CLUL1: variants seen among roughly 807,000 people sequenced by gnomAD.
CLUL1 encodes clusterin like 1.
In CLUL1, 43 loss-of-function variants were observed where a neutral mutation model predicts 49.4. The observed-to-expected ratio is 0.87, with a 90% CI of 0.68 to 1.12. The LOEUF is 1.12. Ranked by LOEUF, CLUL1 falls within the 50% of genes most tolerant of loss-of-function variation. CLUL1 has a pLI of 0.00. For synonymous variants in CLUL1, 192 were observed against 184.9 expected (o/e 1.04, Z -0.31); for missense variants, 486 against 544.4 (o/e 0.89, Z 1.07).
chr18:635,362 A>C (rs1203332929), intron 7 of CLUL1, among the ~76,000 whole-genome samples: 1 of 152,088 alleles, frequency 6.6e-6, no homozygotes, highest in East Asian at 1.9e-4. Flanking sequence ...GCCTCCGCTG[A>C]TCTGACAGCA....
rs573829344 is a variant in CLUL1, at chr18:618,680, G to A, written c.107-533G>A. On this transcript the variant is annotated intron_variant, in intron 3 of 9. Transcript: ENST00000692774. This position sits in a 1 kb window ranked among gnomAD's most constrained non-coding sequence, Gnocchi z 4.2. The stretch of plus-strand genomic sequence containing the variant: ...GGCCACGTTGGCTATTTTGAACAGG[G>A]AATGACAATGAATTTTAAACTTACT... 1.6e-4 allele frequency among the ~76,000 whole-genome samples: 24 copies of A among 152,254 alleles called. 1 individual carries two copies. The East Asian group carries it at 4.6e-3, about 29-fold the overall frequency.
At chr18:633,483 A>G in intron 7 of CLUL1, 48 bp downstream of exon 7, 3 of 1,527,680 alleles carry the variant, frequency 2.0e-6, no homozygotes, top group South Asian at 1.2e-5. Flanking sequence ...GTTCTCAGGT[A>G]CATTTTGTTA....
chr18:617,945 C>T, intron 2 of CLUL1, 43 bp from the exon 3 acceptor site: 1 of 1,525,444 alleles, frequency 6.6e-7, no homozygotes, highest in Non-Finnish European at 9.0e-7. Flanking sequence ...CAGAAACTAA[C>T]CAAATGGAAG....
Position 618,202 on chromosome 18 carries a change from G to A in CLUL1, c.106+96G>A, listed in dbSNP as rs1726127529. On this transcript the variant is annotated intron_variant, in intron 3 of 9. Transcript: ENST00000692774. This position sits in a 1 kb window ranked among gnomAD's most constrained non-coding sequence, Gnocchi z 4.2. ...TCGCAGTTGAGAGATAACCATATTC[G>A]CTGTTTTCACGGTGAAACGTTCTCA... 2 of 893,698 alleles carry A rather than the reference G, an allele frequency of 2.2e-6. No individual in the cohort carries two copies. Among genetic ancestry groups the A allele is most frequent in the South Asian group, 1.5e-5 (1 of 67,152 alleles). 55.4% of individuals were successfully genotyped at this position (893,698 alleles called of 1,614,324 possible). A position where few individuals can be genotyped will look rare whatever the true frequency, so the allele number is the denominator to read the frequency against.
chr18:634,222 C>T (rs758663562), intron 7 of CLUL1, among the ~76,000 whole-genome samples: 6 of 152,240 alleles, frequency 3.9e-5, no homozygotes, highest in South Asian at 2.1e-4. Context: ...CTCCACCTCT[C>T]GGGTTCAAGC....
chr18:641,675 T>C, intron 8 of CLUL1, 134 bp downstream of exon 8: 1 of 731,496 alleles, frequency 1.4e-6, no homozygotes, highest in Non-Finnish European at 2.3e-6. Context: ...TGTGATTGCC[T>C]TCAGGCTGAC....
In CLUL1 at chr18:649,851, A is replaced by G. The variant is rs184420335; in HGVS notation, c.1398-47A>G. 8.2e-3 allele frequency: 9,628 copies of G among 1,178,102 alleles called. 62 individuals carry two copies. Among genetic ancestry groups the G allele is most frequent in the Non-Finnish European group, 0.011 (8,679 of 802,370 alleles). The allele number at this position is 1,178,102 out of a possible 1,614,324, so 73.0% of individuals were successfully genotyped here. ...GAAAAAATACACTGAGTCTGTGAGTAATTTATTAGTATTTTGATCATTGCT... is the reference window on the plus strand; with the variant it reads ...GAAAAAATACACTGAGTCTGTGAGTGATTTATTAGTATTTTGATCATTGCT... On this transcript the variant is annotated intron_variant, in intron 9 of 9. Transcript: ENST00000692774.
chr18:623,559 C>A (rs2073571774), intron 4 of CLUL1, among the ~76,000 whole-genome samples: 1 of 145,292 alleles, frequency 6.9e-6, no homozygotes, highest in Admixed American at 7.3e-5. Context: ...GCAGGAGAAT[C>A]TCTTAAACCT....
Position 606,873 on chromosome 18 carries a change from C to A in CLUL1, c.-135-105C>A. 1 of 523,786 alleles carries A rather than the reference C, an allele frequency of 1.9e-6. No individual in the cohort carries two copies. Among genetic ancestry groups the A allele is most frequent in the Non-Finnish European group, 3.4e-6 (1 of 294,936 alleles). 32.4% of individuals were successfully genotyped at this position (523,786 alleles called of 1,614,324 possible). A position where few individuals can be genotyped will look rare whatever the true frequency, so the allele number is the denominator to read the frequency against. On this transcript the variant is annotated intron_variant, in intron 1 of 9. Coordinates refer to ENST00000692774, the MANE Select transcript of CLUL1 (RefSeq NM_001393344.1). The surrounding 1 kb of genome is among the most constrained non-coding windows in gnomAD (Gnocchi z 4.1). ...ACCAGCACCCCCCACAAGGCAAGGCCAGTTCACCCTCAGTGCTCACTACTT... is the reference window on the plus strand; with the variant it reads ...ACCAGCACCCCCCACAAGGCAAGGCAAGTTCACCCTCAGTGCTCACTACTT...
At chr18:637,871 G>C (rs1490425800) in intron 7 of CLUL1, among the ~76,000 whole-genome samples, 1 of 152,088 alleles carries the variant, frequency 6.6e-6, no homozygotes, top group Non-Finnish European at 1.5e-5. Flanking sequence ...CTACTCAGGA[G>C]GCTGAGGCAA....
intron 9 of CLUL1, among the ~76,000 whole-genome samples, chr18:646,819 G>A (rs1306847403): frequency 2.0e-5 from 3 of 150,146 alleles, no homozygotes; most frequent in South Asian, 2.1e-4. Flanking sequence ...GCACGATCTC[G>A]GCTCACTGCA....
At chr18:619,874 T>C (rs1373553051) in intron 4 of CLUL1, among the ~76,000 whole-genome samples, 1 of 152,026 alleles carries the variant, frequency 6.6e-6, no homozygotes, top group East Asian at 1.9e-4. Context: ...CACGCCTGGC[T>C]AATTTTTGTA....
Position 618,167 on chromosome 18 carries a change from T to G in CLUL1, c.106+61T>G. On this transcript the variant is annotated intron_variant, in intron 3 of 9. Coordinates refer to ENST00000692774, the MANE Select transcript of CLUL1 (RefSeq NM_001393344.1). This position sits in a 1 kb window ranked among gnomAD's most constrained non-coding sequence, Gnocchi z 4.2. ...TGCATGTTGGTTGTCCTGCTGGCGT[T>G]TATAGTGAGTCGCAGTTGAGAGATA... The G allele has an allele frequency of 3.2e-6, 4 of 1,237,890 alleles. No individual in the cohort carries two copies. Among genetic ancestry groups the G allele is most frequent in the Non-Finnish European group, 4.8e-6 (4 of 842,060 alleles). 76.7% of individuals were successfully genotyped at this position (1,237,890 alleles called of 1,614,324 possible).
rs191800657 is a variant in CLUL1 at position 645,240 on chromosome 18, T to C, written c.1397+143T>C. On this transcript the variant is annotated intron_variant, in intron 9 of 9. Transcript: ENST00000692774. ...CATGAAAACAAACAAGATGGCATTT[T>C]CTGCCTATCAGATTTGCAAATTAAA... 5.1e-4 allele frequency: 286 copies of C among 563,232 alleles called. 3 individuals carry two copies. Among genetic ancestry groups the C allele is most frequent in the African/African-American group, 5.0e-3 (260 of 51,620 alleles). The allele number at this position is 563,232 out of a possible 1,614,324, so 34.9% of individuals were successfully genotyped here.
At chr18:602,753 C>T (rs572764912) in intron 1 of CLUL1, among the ~76,000 whole-genome samples, 1 of 152,256 alleles carries the variant, frequency 6.6e-6, no homozygotes, top group South Asian at 2.1e-4. Flanking sequence ...TAAGTAAATG[C>T]ATCTTGAGCT....
At chr18:624,810 A>C in intron 4 of CLUL1, 55 bp from the exon 5 acceptor site, 1 of 1,530,304 alleles carries the variant, frequency 6.5e-7, no homozygotes, top group Non-Finnish European at 9.0e-7. Context: ...AAATCAACTA[A>C]GGTGCACATA....
chr18:625,122 G>C, intron 5 of CLUL1, 90 bp downstream of exon 5: 1 of 1,301,466 alleles, frequency 7.7e-7, no homozygotes, highest in African/African-American at 1.5e-5. Flanking sequence ...TATTTAGAAC[G>C]GAGATGCCTG....
intron 9 of CLUL1, among the ~76,000 whole-genome samples, chr18:645,611 C>A (rs937600680): frequency 6.6e-6 from 1 of 150,508 alleles, no homozygotes; most frequent in African/African-American, 2.4e-5. Context: ...CTGGATAACA[C>A]GGAGAAACTG....
intron 9 of CLUL1, among the ~76,000 whole-genome samples, chr18:648,757 A>C (rs2074590100): frequency 6.6e-6 from 1 of 152,118 alleles, no homozygotes; most frequent in African/African-American, 2.4e-5. Context: ...CCCAGGTTCA[A>C]GCGACTCTCA....
Sources: gnomAD v4.1 joint callset for allele counts (sites outside exome capture counted in the v4.1 genomes callset) on GRCh38, gnomAD v4.1.1 for gene constraint, Gnocchi (gnomAD v3.1) non-coding constraint, MANE v1.5 for transcripts, NCBI Gene and HGNC (gene_info 2026-07-23, HGNC 2026-07-21) for gene names.